POLE: variants seen among roughly 807,000 people sequenced by gnomAD.
POLE encodes DNA polymerase epsilon, catalytic subunit.
Under a neutral mutation model 279.2 loss-of-function variants are expected in POLE, and 188 were observed. The ratio of observed to expected loss-of-function variants is 0.67; its 90% CI spans 0.60 to 0.76. The LOEUF (loss-of-function observed/expected upper bound fraction) is 0.76, where lower values mean the gene tolerates loss of function less well. POLE is among the 30% of genes least tolerant of loss of function. The pLI is 0.00. For synonymous variants in POLE, 1,214 were observed against 1,172.5 expected, an observed-to-expected ratio of 1.04 and a Z score of -0.72; for missense variants, 2,703 against 3,016.7, an observed-to-expected ratio of 0.90 and a Z score of 2.44.
intron 8 of POLE, 127 bp from the exon 9 acceptor site, chr12:132,676,780 G>A: frequency 1.5e-6 from 1 of 662,744 alleles, no homozygotes; most frequent in East Asian, 2.7e-5. Flanking sequence ...AGAGCTGGGA[G>A]AAGGACCCTA....
Position 132,661,221 on chromosome 12 carries a change from A to C in POLE, c.2865-57T>G, listed in dbSNP as rs1203441640. ...TGGCAAGGAGCGCTGGGGAGCCACCAGCTGTGCCTCATCCTCTCTGCCCGC... is the reference window on the plus strand; with the variant it reads ...TGGCAAGGAGCGCTGGGGAGCCACCCGCTGTGCCTCATCCTCTCTGCCCGC... On this transcript the variant is annotated intron_variant, in intron 24 of 48. Coordinates refer to ENST00000320574, the MANE Select transcript of POLE (RefSeq NM_006231.4). The surrounding 1 kb of genome is among the most constrained non-coding windows in gnomAD (Gnocchi z 4.1). The C allele has an allele frequency of 6.8e-7, 1 of 1,465,570 alleles. No homozygotes were observed. The highest frequency in any genetic ancestry group is 2.1e-5 in the Admixed American group (1 of 48,200). The allele number at this position is 1,465,570 out of a possible 1,614,324, so 90.8% of individuals were successfully genotyped here.
Position 132,673,214 on chromosome 12 carries a change from G to T in POLE, c.1423C>A (p.His475Asn), listed in dbSNP as rs952195021. Residue 475 changes from histidine to asparagine, a missense_variant, in exon 14 of 49, where the codon CAC becomes AAC. This residue lies in a region of POLE where 1,011 missense variants were observed against 1,111.7 expected (regional missense o/e 0.91). Transcript: ENST00000320574. ...ATYYLYMKYVHPFIFALCTII... is the reference protein window; with the variant it reads ...ATYYLYMKYVNPFIFALCTII... ...GTGCACAGAGCAAAGATGAATGGGTGGACGTACTTCATGTACAGGTAGTAA... is the reference window on the plus strand; with the variant it reads ...GTGCACAGAGCAAAGATGAATGGGTTGACGTACTTCATGTACAGGTAGTAA... 3 of 1,613,676 alleles carry T rather than the reference G, an allele frequency of 1.9e-6. No individual in the cohort carries two copies. Among genetic ancestry groups the T allele is most frequent in the Non-Finnish European group, 2.5e-6 (3 of 1,179,654 alleles).
rs1593076689 is a variant in POLE, at chr12:132,675,410, A to G, written c.1214T>C (p.Met405Thr). 1 of 1,614,000 alleles carries G rather than the reference A, an allele frequency of 6.2e-7. No homozygotes were observed. The highest frequency in any genetic ancestry group is 1.3e-5 in the African/African-American group (1 of 74,918). Reference protein sequence around the residue: ...GEYKAPQCIHMDCLRWVKRDS... With the variant: ...GEYKAPQCIHTDCLRWVKRDS... ...CTGTGGCCCCTACCTGAGGCAGTCC[A>G]TGTGGATGCACTGGGGCGCCTTGTA... Residue 405 changes from methionine (M) to threonine (T), a missense_variant, in exon 12 of 49, where the codon ATG becomes ACG. By Grantham distance (81) the Met-to-Thr change is moderately conservative. This residue lies in a region of POLE where 1,011 missense variants were observed against 1,111.7 expected (regional missense o/e 0.91). Coordinates refer to ENST00000320574, the MANE Select transcript of POLE (RefSeq NM_006231.4). The surrounding 1 kb of genome is among the most constrained non-coding windows in gnomAD (Gnocchi z 4.3).
chr12:132,665,750 G>C (rs1410584049), intron 20 of POLE, among the ~76,000 whole-genome samples: 2 of 152,046 alleles, frequency 1.3e-5, no homozygotes, highest in Non-Finnish European at 2.9e-5. Flanking sequence ...GGGGGTGCCT[G>C]GTAAAATCAA....
chr12:132,679,206 A>C lies in POLE; in HGVS notation c.578+291T>G, dbSNP rs5744745. On this transcript the variant is annotated intron_variant, in intron 6 of 48. Transcript: ENST00000320574. ...ATTCATAGATGGATTGTGTTAGGGC[A>C]GTAGGATGAGGGATCTTTTCCCCTC... Among the ~76,000 whole-genome samples, 71,210 of 152,034 alleles carry C rather than the reference A, an allele frequency of 0.47. 17,877 individuals are homozygous for C. The highest frequency in any genetic ancestry group is 0.57 in the Non-Finnish European group (38,450 of 67,942).
Position 132,672,696 on chromosome 12 carries a change from G to A in POLE, c.1617C>T (p.Tyr539=), listed in dbSNP as rs775930793. ...DDGHVLDSET[Y]VGGHVEALES... is the part of the protein sequence containing the mutation. The stretch of plus-strand genomic sequence containing the variant: ...CGAGGGCCTCCACGTGGCCCCCGAC[G>A]TAGGTCTCAGAGTCCAGCACGTGTC... The change falls in exon 15 of 49, where the codon TAC becomes TAT. Residue 539 remains tyrosine, a synonymous_variant. Transcript: ENST00000320574. The A allele has an allele frequency of 2.1e-5, 34 of 1,614,028 alleles. No individual in the cohort carries two copies. The highest frequency in any genetic ancestry group is 1.6e-4 in the Middle Eastern group (1 of 6,084).
Position 132,661,398 on chromosome 12 carries a change from G to T in POLE, c.2864+129C>A. 1 of 1,096,506 alleles carries T rather than the reference G, an allele frequency of 9.1e-7. No individual in the cohort carries two copies. Among genetic ancestry groups the T allele is most frequent in the Non-Finnish European group, 1.3e-6 (1 of 757,566 alleles). 67.9% of individuals were successfully genotyped at this position (1,096,506 alleles called of 1,614,324 possible). A position where few individuals can be genotyped will look rare whatever the true frequency, so the allele number is the denominator to read the frequency against. ...CGGGCAGACAGAGCTGGTGCAAACG[G>T]AATCAGTAAGATCACAAGAACCCAG... On this transcript the variant is annotated intron_variant, in intron 24 of 48. Transcript: ENST00000320574. This position sits in a 1 kb window ranked among gnomAD's most constrained non-coding sequence, Gnocchi z 4.1.
chr12:132,677,743 T>C (rs773149287), intron 6 of POLE, 24 bp from the exon 7 acceptor site: 1 of 1,610,762 alleles, frequency 6.2e-7, no homozygotes, highest in South Asian at 1.1e-5. Context: ...AGAGAGCAAC[T>C]AACTCAGCTG....
Position 132,643,416 on chromosome 12 carries a change from G to A in POLE, c.4435C>T (p.Leu1479=), listed in dbSNP as rs2042201182. ...CTGGTGCAGGCCATACCTGGTTCCA[G>A]GTAGCTGAACTGGGCCAGAGAGCGC... ...EMRSLAQFSY[L]EPGSIRHIYL... is the part of the protein sequence containing the mutation. Residue 1479 remains leucine, a synonymous_variant, in exon 34 of 49, where the codon CTG becomes TTG. Coordinates refer to ENST00000320574, the MANE Select transcript of POLE (RefSeq NM_006231.4). 1.2e-6 allele frequency: 2 copies of A among 1,614,268 alleles called. No individual in the cohort carries two copies. The highest frequency in any genetic ancestry group is 8.5e-7 in the Non-Finnish European group (1 of 1,180,052).
Position 132,638,044 on chromosome 12 carries a change from G to GC in POLE, c.5647dup (p.Ala1883GlyfsTer39). 1 of 1,613,968 alleles carries GC rather than the reference G, an allele frequency of 6.2e-7. No homozygotes were observed. Among genetic ancestry groups the GC allele is most frequent in the Non-Finnish European group, 8.5e-7 (1 of 1,179,924 alleles). ...GGTGATGTACTCCACGTAAGCGATG[G>GC]CATCTTCCACACGGCGCTTCTTTGT... On this transcript the variant is annotated frameshift_variant, in exon 41 of 49. Coordinates refer to ENST00000320574, the MANE Select transcript of POLE (RefSeq NM_006231.4). LOFTEE classifies it high-confidence loss of function.
At position 132,641,835 on chromosome 12, in the gene POLE, G is replaced by T. The variant is rs1232184956; in HGVS notation, c.5190C>A (p.Asp1730Glu). 1.2e-6 allele frequency: 2 copies of T among 1,600,388 alleles called. No individual in the cohort carries two copies. Among genetic ancestry groups the T allele is most frequent in the Non-Finnish European group, 1.7e-6 (2 of 1,179,918 alleles). The part of the protein sequence containing the change: ...GCYSTVCVEL[D>E]LQNLAVNTIL... The stretch of plus-strand genomic sequence containing the variant: ...TGGTGTTGACGGCCAGGTTCTGAAG[G>T]TCCAGCTCCACACACACTGCACAGG... The change falls in exon 39 of 49, where the codon GAC (aspartate) becomes GAA (glutamate). Residue 1730 changes from aspartate to glutamate, a missense_variant. Physicochemically the swap from Asp to Glu is conservative, Grantham distance 45 (BLOSUM62 2). This residue lies in a region of POLE where 1,551 missense variants were observed against 1,686.1 expected (regional missense o/e 0.92). Coordinates refer to ENST00000320574, the MANE Select transcript of POLE (RefSeq NM_006231.4).
intron 16 of POLE, among the ~76,000 whole-genome samples, chr12:132,671,873 C>G (rs1460612276): frequency 6.6e-6 from 1 of 152,024 alleles, no homozygotes; most frequent in Non-Finnish European, 1.5e-5. Flanking sequence ...TAAGTCTCAA[C>G]AACAAAAAGT....
At chr12:132,625,542 C>G (rs2041818439) in intron 47 of POLE, 103 bp downstream of exon 47, 4 of 1,455,408 alleles carry the variant, frequency 2.7e-6, no homozygotes, top group East Asian at 2.3e-5. Context: ...TTGGAAGACA[C>G]CAGGGCGTGC....
intron 47 of POLE, 60 bp downstream of exon 47, chr12:132,625,585 G>A (rs1385741169): frequency 9.4e-6 from 15 of 1,597,660 alleles, no homozygotes; most frequent in African/African-American, 1.3e-5. Context: ...GCTCCCGGGA[G>A]TGCACAGAAA....
rs1343048638 is a variant in POLE at position 132,676,198 on chromosome 12, G to C, written c.916C>G (p.Leu306Val). The C allele has an allele frequency of 6.2e-7, 1 of 1,611,126 alleles. No individual in the cohort carries two copies. Among genetic ancestry groups the C allele is most frequent in the South Asian group, 1.1e-5 (1 of 90,926 alleles). ...GAAACAATCTCCCTGTTGGTGATGA[G>C]GTAGCCCTAGCCAAGTTCATTAGCA... Reference protein sequence around the residue: ...ISYMIDGQGYLITNREIVSED... With the variant: ...ISYMIDGQGYVITNREIVSED... Residue 306 changes from leucine (L) to valine (V), a missense_variant, in exon 10 of 49, where the codon CTC (leucine) becomes GTC (valine). Physicochemically the swap from Leu to Val is conservative, Grantham distance 32 (BLOSUM62 1). Coordinates refer to ENST00000320574, the MANE Select transcript of POLE (RefSeq NM_006231.4).
Position 132,632,703 on chromosome 12 carries a change from G to A in POLE, c.6097C>T (p.Leu2033Phe). ...ACCGCCCCCTCGGCCTCCTGGGAGA[G>A]CTGGCTGGCCCCCCTCCTCCTCACG... Reference protein sequence around the residue: ...TPVRRRGASQLSQEAEGAVGA... With the variant: ...TPVRRRGASQFSQEAEGAVGA... Residue 2033 changes from leucine (L) to phenylalanine (F), a missense_variant, in exon 44 of 49, where the codon CTC becomes TTC. Leu to Phe is a conservative substitution (Grantham distance 22, BLOSUM62 0). Coordinates refer to ENST00000320574, the MANE Select transcript of POLE (RefSeq NM_006231.4). 1.9e-6 allele frequency: 3 copies of A among 1,613,878 alleles called. No homozygotes were observed. Among genetic ancestry groups the A allele is most frequent in the Non-Finnish European group, 1.7e-6 (2 of 1,179,988 alleles).
At chr12:132,685,204 G>A (rs961473503) in intron 1 of POLE, among the ~76,000 whole-genome samples, 6 of 150,582 alleles carry the variant, frequency 4.0e-5, no homozygotes, top group Non-Finnish European at 8.9e-5. Context: ...CATTCACAGA[G>A]CTACCATTGA....
At chr12:132,635,217 C>G (rs1025116806) in intron 42 of POLE, among the ~76,000 whole-genome samples, 1 of 152,172 alleles carries the variant, frequency 6.6e-6, no homozygotes. Flanking sequence ...GACCCCTTCC[C>G]CAGACTGCTC....
Position 132,673,232 on chromosome 12 carries a change from GGTA to G in POLE, c.1402_1404del (p.Tyr468del), listed in dbSNP as rs2135996515. 4 of 1,613,756 alleles carry G rather than the reference GGTA, an allele frequency of 2.5e-6. No homozygotes were observed. Among genetic ancestry groups the G allele is most frequent in the Non-Finnish European group, 3.4e-6 (4 of 1,179,568 alleles). On this transcript the variant is annotated inframe_deletion, in exon 14 of 49. Transcript: ENST00000320574. Reference sequence around the variant, plus strand: ...AATGGGTGGACGTACTTCATGTACAGGTAGTAAGTGGCGACAGCATCTGACACA... The same window carrying G: ...AATGGGTGGACGTACTTCATGTACAGGTAAGTGGCGACAGCATCTGACACA...
Sources: gnomAD v4.1 joint callset for allele counts (sites outside exome capture counted in the v4.1 genomes callset) on GRCh38, gnomAD v4.1.1 for gene constraint, gnomAD v4.1.1 regional missense constraint, Gnocchi (gnomAD v3.1) non-coding constraint, MANE v1.5 for transcripts, NCBI Gene and HGNC (gene_info 2026-07-23, HGNC 2026-07-21) for gene names.